The following HYDIN variants were observed in gnomAD, a reference collection of about 807,000 sequenced individuals.
The protein encoded by HYDIN is axonemal central pair apparatus protein HYDIN.
Under a neutral mutation model 403.9 loss-of-function variants are expected in HYDIN, and 132 were observed. The ratio of observed to expected loss-of-function variants is 0.33; its 90% CI spans 0.28 to 0.38. HYDIN has a LOEUF of 0.38. HYDIN is among the 10% of genes least tolerant of loss of function. The probability of loss-of-function intolerance (pLI) is 1.00; values close to 1 mark genes in which losing one functional copy is unlikely to be tolerated. For synonymous variants in HYDIN, 1,202 were observed against 1,891.7 expected, an observed-to-expected ratio of 0.64 and a Z score of 9.46; for missense variants, 2,827 against 5,009.5, an observed-to-expected ratio of 0.56 and a Z score of 13.15.
At chr16:70,925,369 A>G (rs2077120148) in intron 45 of HYDIN, among the ~76,000 whole-genome samples, 1 of 152,252 alleles carries the variant, frequency 6.6e-6, no homozygotes, top group Non-Finnish European at 1.5e-5. Flanking sequence ...TCCCAGCACC[A>G]TTTATTAAAT....
rs1349469033 is a variant in HYDIN at position 70,806,185 on chromosome 16, G to C, written c.*1395C>G. 6.6e-6 allele frequency among the ~76,000 whole-genome samples: 1 copy of C among 152,066 alleles called. No homozygotes were observed. The highest frequency in any genetic ancestry group is 1.5e-5 in the Non-Finnish European group (1 of 68,028). ...TTATTATTATTGTTAATGTCTTACT[G>C]TGCCTAATTTATAAATTAATCAAAG... On this transcript the variant is annotated 3_prime_UTR_variant, in exon 86 of 86. Coordinates refer to ENST00000393567, the MANE Select transcript of HYDIN (RefSeq NM_001270974.2).
intron 1 of HYDIN, among the ~76,000 whole-genome samples, chr16:71,190,391 TTTAAA>T (rs1299677252): frequency 6.6e-6 from 1 of 151,054 alleles, no homozygotes; most frequent in African/African-American, 2.4e-5. Flanking sequence ...TAAATCTAAA[TTTAAA>T]TGATACTTTA....
At chr16:70,875,802 C>T (rs561669055) in intron 62 of HYDIN, among the ~76,000 whole-genome samples, 6 of 151,800 alleles carry the variant, frequency 4.0e-5, no homozygotes, top group South Asian at 2.1e-4. Context: ...TTTAAAGGAA[C>T]GTTATAAAAT....
chr16:70,908,341 G>C lies in HYDIN; in HGVS notation c.8307C>G (p.Thr2769=), dbSNP rs1373759436. 20 of 1,377,074 alleles carry C rather than the reference G, an allele frequency of 1.5e-5. No homozygotes were observed. Among genetic ancestry groups the C allele is most frequent in the Admixed American group, 9.3e-5 (5 of 53,610 alleles). The allele number at this position is 1,377,074 out of a possible 1,614,324, so 85.3% of individuals were successfully genotyped here. A position where few individuals can be genotyped will look rare whatever the true frequency, so the allele number is the denominator to read the frequency against. ...SSDEFGNFDQ[T]FNFEILGTCC... The stretch of plus-strand genomic sequence containing the variant: ...AAGTTCCTAGGATCTCAAAGTTAAA[G>C]GTTTGGTCAAAGTTCCCGAACTCAT... Residue 2769 remains threonine, a synonymous_variant, in exon 49 of 86, where the codon ACC becomes ACG. Transcript: ENST00000393567.
chr16:70,864,897 A>G (rs1295336634), intron 67 of HYDIN, among the ~76,000 whole-genome samples: 1 of 152,142 alleles, frequency 6.6e-6, no homozygotes, highest in Non-Finnish European at 1.5e-5. Flanking sequence ...GAATGGGCAT[A>G]GCTGCATGCC....
chr16:70,961,864 C>G lies in HYDIN; in HGVS notation c.5968+95G>C, dbSNP rs879021542. On this transcript the variant is annotated intron_variant, in intron 38 of 85. Coordinates refer to ENST00000393567, the MANE Select transcript of HYDIN (RefSeq NM_001270974.2). ...AGGGCAGGATGGGCTAGGAGCCATA[C>G]GAGGAGGCTTAGAGAAAGTGACAAG... The G allele has an allele frequency of 1.8e-5, 17 of 945,390 alleles. No individual in the cohort carries two copies. The South Asian group carries it at 2.5e-4, about 14-fold the overall frequency. 58.6% of individuals were successfully genotyped at this position (945,390 alleles called of 1,614,324 possible).
intron 1 of HYDIN, among the ~76,000 whole-genome samples, chr16:71,213,302 G>C (rs1295014268): frequency 6.6e-6 from 1 of 152,056 alleles, no homozygotes; most frequent in Non-Finnish European, 1.5e-5. Context: ...GTGCTGTCAT[G>C]AATTTAAAAA....
At chr16:71,211,208 C>G (rs1395219391) in intron 1 of HYDIN, among the ~76,000 whole-genome samples, 1 of 152,092 alleles carries the variant, frequency 6.6e-6, no homozygotes, top group African/African-American at 2.4e-5. Flanking sequence ...GAAAAATACC[C>G]AAAAAGTTGA....
At chr16:71,029,012 T>A (rs1306549064) in intron 19 of HYDIN, among the ~76,000 whole-genome samples, 2 of 150,920 alleles carry the variant, frequency 1.3e-5, no homozygotes, top group African/African-American at 4.9e-5. Flanking sequence ...ATAAGTATAT[T>A]TACTACCATT....
chr16:70,837,662 G>A (rs370568017), intron 77 of HYDIN, 28 bp downstream of exon 77: 11 of 1,613,116 alleles, frequency 6.8e-6, no homozygotes, highest in South Asian at 3.3e-5. Context: ...AGGGTGCCAC[G>A]CCTGAAGGCC....
At chr16:70,948,372 A>T (rs1320432611) in intron 41 of HYDIN, among the ~76,000 whole-genome samples, 3 of 152,186 alleles carry the variant, frequency 2.0e-5, no homozygotes, top group African/African-American at 7.2e-5. Flanking sequence ...AAACCTAGGC[A>T]TTACCATTCA....
In HYDIN at chr16:71,134,534, C is replaced by T. The variant is rs548078926; in HGVS notation, c.1043+2617G>A. Among the ~76,000 whole-genome samples, 8 of 152,274 alleles carry T rather than the reference C, an allele frequency of 5.3e-5. No individual in the cohort carries two copies. The East Asian group carries it at 7.7e-4, about 15-fold the overall frequency. ...CTCGCTGCTGCTTTTCAGGGATGGG[C>T]GGGTCTCTGCCCATAAGCAAGCTAC... On this transcript the variant is annotated intron_variant, in intron 8 of 85. Coordinates refer to ENST00000393567, the MANE Select transcript of HYDIN (RefSeq NM_001270974.2).
At chr16:71,119,879 G>T (rs1220212216) in intron 9 of HYDIN, among the ~76,000 whole-genome samples, 5 of 151,578 alleles carry the variant, frequency 3.3e-5, no homozygotes, top group East Asian at 2.0e-4. Context: ...GTCTTTGAAA[G>T]ATTTCATATG....
At chr16:70,958,031 T>G (rs2143941670) in intron 39 of HYDIN, among the ~76,000 whole-genome samples, 1 of 145,240 alleles carries the variant, frequency 6.9e-6, no homozygotes, top group African/African-American at 2.6e-5. Flanking sequence ...CTCTAATATT[T>G]TAATATTTTT....
intron 23 of HYDIN, among the ~76,000 whole-genome samples, chr16:71,011,618 G>A: frequency 6.6e-6 from 1 of 152,014 alleles, no homozygotes; most frequent in Non-Finnish European, 1.5e-5. Flanking sequence ...CACGCCTGTA[G>A]TCCCAGCTAC....
At chr16:70,813,052 A>C (rs2035606692) in intron 84 of HYDIN, among the ~76,000 whole-genome samples, 2 of 151,188 alleles carry the variant, frequency 1.3e-5, no homozygotes, top group Non-Finnish European at 3.0e-5. Flanking sequence ...TCCCAGGTTC[A>C]AGCAATTCAC....
At chr16:71,130,573 C>T (rs1435257299) in intron 8 of HYDIN, among the ~76,000 whole-genome samples, 4 of 150,030 alleles carry the variant, frequency 2.7e-5, no homozygotes, top group South Asian at 2.1e-4. Flanking sequence ...CTGCAAGCTC[C>T]GCTTCCCGGG....
chr16:71,017,402 C>G (rs1334423952), intron 23 of HYDIN, among the ~76,000 whole-genome samples: 1 of 151,640 alleles, frequency 6.6e-6, no homozygotes, highest in African/African-American at 2.4e-5. Flanking sequence ...CTTGCTGTCT[C>G]TCCTGCTATC....
chr16:71,191,179 A>G (rs1323703535), intron 1 of HYDIN, among the ~76,000 whole-genome samples: 1 of 152,222 alleles, frequency 6.6e-6, no homozygotes, highest in Non-Finnish European at 1.5e-5. Flanking sequence ...ACTCCTATCA[A>G]ACTATACCCA....
Sources: gnomAD v4.1 joint callset for allele counts (sites outside exome capture counted in the v4.1 genomes callset) on GRCh38, gnomAD v4.1.1 for gene constraint, MANE v1.5 for transcripts, NCBI Gene and HGNC (gene_info 2026-07-23, HGNC 2026-07-21) for gene names.